The following CRISP1 variants were observed in gnomAD, a reference collection of about 807,000 sequenced individuals.
CRISP1 encodes cysteine-rich secretory protein 1.
In CRISP1, 44 loss-of-function variants were observed where a neutral mutation model predicts 33.1. The ratio of observed to expected loss-of-function variants is 1.33; its 90% CI spans 1.05 to 1.71. The LOEUF (loss-of-function observed/expected upper bound fraction) is 1.71, where lower values mean the gene tolerates loss of function less well. Among genes scored for constraint, CRISP1 ranks in the 40% most tolerant of loss-of-function variants. The probability of loss-of-function intolerance (pLI) is 0.00; values close to 1 mark genes in which losing one functional copy is unlikely to be tolerated. For synonymous variants in CRISP1, 103 were observed against 98.7 expected, an observed-to-expected ratio of 1.04 and a Z score of -0.26; for missense variants, 390 against 301.2, an observed-to-expected ratio of 1.29 and a Z score of -2.18.
At chr6:49,865,871 G>A (rs1007854033) in intron 1 of CRISP1, among the ~76,000 whole-genome samples, 2 of 152,156 alleles carry the variant, frequency 1.3e-5, no homozygotes, top group African/African-American at 4.8e-5. Flanking sequence ...AATCCTGCCC[G>A]CTGGGGCCCA....
chr6:49,859,811 T>C (rs1771598333), intron 1 of CRISP1, among the ~76,000 whole-genome samples: 1 of 152,102 alleles, frequency 6.6e-6, no homozygotes. Flanking sequence ...ATTTAAAAAA[T>C]ACAGAGTGGC....
intron 2 of CRISP1, among the ~76,000 whole-genome samples, chr6:49,854,696 G>A (rs923541019): frequency 4.6e-5 from 7 of 151,928 alleles, no homozygotes; most frequent in African/African-American, 1.2e-4. Context: ...ATAGAGCCTC[G>A]CATTTACCTC....
chr6:49,848,114 G>C, intron 4 of CRISP1, 95 bp downstream of exon 4: 6 of 653,948 alleles, frequency 9.2e-6, no homozygotes, highest in Non-Finnish European at 1.5e-5. Context: ...AAATCTAGAT[G>C]ACTTAATTTA....
chr6:49,847,946 G>T (rs1771231565), intron 4 of CRISP1, among the ~76,000 whole-genome samples: 1 of 152,076 alleles, frequency 6.6e-6, no homozygotes, highest in South Asian at 2.1e-4. Context: ...GCAATACTGA[G>T]ATTTTTTATT....
chr6:49,838,230 C>G (rs1770865895), intron 7 of CRISP1, among the ~76,000 whole-genome samples: 1 of 152,044 alleles, frequency 6.6e-6, no homozygotes, highest in Non-Finnish European at 1.5e-5. Flanking sequence ...GTTCTCAGAC[C>G]TAGACTTTGT....
chr6:49,876,092 C>T (rs1007131316), intron 1 of CRISP1, among the ~76,000 whole-genome samples: 22 of 152,066 alleles, frequency 1.4e-4, no homozygotes, highest in African/African-American at 5.3e-4. Flanking sequence ...AAGAAACTAT[C>T]ATCAGAGTGA....
intron 6 of CRISP1, among the ~76,000 whole-genome samples, 161 bp from the exon 7 acceptor site, chr6:49,838,686 T>C (rs1681966242): frequency 6.6e-6 from 1 of 152,178 alleles, no homozygotes; most frequent in African/African-American, 2.4e-5. Context: ...ATCTTACAGC[T>C]ATAATATTTT....
At chr6:49,837,918 C>A (rs1770855577) in intron 7 of CRISP1, among the ~76,000 whole-genome samples, 1 of 147,938 alleles carries the variant, frequency 6.8e-6, no homozygotes. Flanking sequence ...AAAAAAGAGG[C>A]TTTAAGGAAT....
intron 4 of CRISP1, 108 bp downstream of exon 4, chr6:49,848,101 A>C (rs1370681564): frequency 5.0e-6 from 3 of 602,220 alleles, no homozygotes; most frequent in African/African-American, 3.7e-5. Context: ...AGTGCAAATG[A>C]GGAAATCTAG....
chr6:49,863,109 T>C (rs999905898), intron 1 of CRISP1, among the ~76,000 whole-genome samples: 2 of 152,060 alleles, frequency 1.3e-5, no homozygotes, highest in African/African-American at 4.8e-5. Flanking sequence ...ATTTGGCAAA[T>C]AGCAAATCCT....
At chr6:49,857,731 A>T (rs1477329171) in intron 1 of CRISP1, among the ~76,000 whole-genome samples, 1 of 152,224 alleles carries the variant, frequency 6.6e-6, no homozygotes. Flanking sequence ...TTATCCTGGA[A>T]TACCTAGGTG....
intron 1 of CRISP1, among the ~76,000 whole-genome samples, chr6:49,862,030 A>G (rs540070460): frequency 6.6e-6 from 1 of 152,166 alleles, no homozygotes; most frequent in Non-Finnish European, 1.5e-5. Flanking sequence ...CTTATTTAAC[A>G]TAGTGCTGGG....
intron 1 of CRISP1, among the ~76,000 whole-genome samples, chr6:49,872,255 T>G (rs1009325023): frequency 1.5e-4 from 23 of 152,112 alleles, no homozygotes; most frequent in African/African-American, 5.5e-4. Context: ...TTGTTTGTTT[T>G]TTTCTTGTAA....
At chr6:49,853,608 G>T (rs1425145103) in intron 2 of CRISP1, among the ~76,000 whole-genome samples, 1 of 152,124 alleles carries the variant, frequency 6.6e-6, no homozygotes, top group African/African-American at 2.4e-5. Context: ...TTCCCTGCCT[G>T]ATTGGAATTT....
In CRISP1 at chr6:49,835,254, T is replaced by G; in HGVS notation, c.*62A>C. The G allele has an allele frequency of 6.4e-7, 1 of 1,558,570 alleles. No homozygotes were observed. Among genetic ancestry groups the G allele is most frequent in the Non-Finnish European group, 8.7e-7 (1 of 1,147,044 alleles). On this transcript the variant is annotated 3_prime_UTR_variant, in exon 8 of 8. Transcript: ENST00000335847. ...AGCTACTGAACTATAGCAAAAGACATGAATCCAACAGACATCTCCTCCTCA... is the reference window on the plus strand; with the variant it reads ...AGCTACTGAACTATAGCAAAAGACAGGAATCCAACAGACATCTCCTCCTCA...
At chr6:49,855,436 T>G (rs1300823700) in intron 2 of CRISP1, among the ~76,000 whole-genome samples, 1 of 149,870 alleles carries the variant, frequency 6.7e-6, no homozygotes, top group Non-Finnish European at 1.5e-5. Context: ...TGTGTCCTTA[T>G]CTCTGATTTT....
intron 7 of CRISP1, among the ~76,000 whole-genome samples, chr6:49,836,591 G>A (rs574629203): frequency 3.8e-4 from 57 of 151,914 alleles, no homozygotes; most frequent in African/African-American, 9.4e-4. Flanking sequence ...CGCCCGCCTC[G>A]GCCTCCCAAA....
intron 2 of CRISP1, among the ~76,000 whole-genome samples, chr6:49,854,105 G>A (rs1449651132): frequency 2.0e-5 from 3 of 152,118 alleles, no homozygotes; most frequent in Non-Finnish European, 4.4e-5. Flanking sequence ...GTAAAGAGAA[G>A]CCATCAGAGG....
intron 1 of CRISP1, among the ~76,000 whole-genome samples, chr6:49,872,053 C>T (rs1294458111): frequency 6.6e-6 from 1 of 152,262 alleles, no homozygotes; most frequent in Admixed American, 6.5e-5. Flanking sequence ...ACATCCTCTC[C>T]AGCACCTGTT....
Sources: allele counts gnomAD v4.1 joint callset (sites outside exome capture counted in the v4.1 genomes callset), GRCh38; gene constraint gnomAD v4.1.1; transcripts MANE v1.5; gene names NCBI Gene and HGNC (gene_info 2026-07-23, HGNC 2026-07-21).